SEMA6D: variants seen among roughly 807,000 people sequenced by gnomAD.
SEMA6D encodes the protein semaphorin 6D, also known as semaphorin-6D.
A neutral mutation model predicts 106.6 loss-of-function variants in SEMA6D; 35 were observed. That is an observed-to-expected ratio of 0.33 (90% CI 0.25 to 0.44). SEMA6D has a LOEUF of 0.44. Ranked by LOEUF, SEMA6D falls within the 20% of genes least tolerant of loss-of-function variation. SEMA6D has a pLI of 1.00. For missense variants in SEMA6D, 1,185 were observed against 1,345.9 expected (o/e 0.88, Z 1.87); for synonymous variants, 499 against 487.7 (o/e 1.02, Z -0.31).
chr15:47,548,070 A>C (rs370751096), intron 3 of SEMA6D, among the ~76,000 whole-genome samples: 1 of 152,298 alleles, frequency 6.6e-6, no homozygotes, highest in East Asian at 1.9e-4. Flanking sequence ...CTCTTTGAGA[A>C]AAATGAGGTG....
At chr15:47,529,541 C>T (rs1428286246) in intron 3 of SEMA6D, among the ~76,000 whole-genome samples, 1 of 145,694 alleles carries the variant, frequency 6.9e-6, no homozygotes, top group Non-Finnish European at 1.5e-5. Flanking sequence ...TAGTCACACT[C>T]ATGAAAGAGA....
intron 4 of SEMA6D, among the ~76,000 whole-genome samples, chr15:47,622,366 A>T (rs1566941314): frequency 6.6e-6 from 1 of 152,140 alleles, no homozygotes; most frequent in South Asian, 2.1e-4. Flanking sequence ...GTTTCCTCTA[A>T]TGTTACCTCT....
chr15:47,732,471 G>A (rs1263056820), intron 1 of SEMA6D, among the ~76,000 whole-genome samples: 1 of 152,118 alleles, frequency 6.6e-6, no homozygotes, highest in African/African-American at 2.4e-5. Flanking sequence ...GGCTCTCATT[G>A]GATAACATCA....
chr15:47,752,647 G>A (rs2081504674), intron 1 of SEMA6D, among the ~76,000 whole-genome samples: 1 of 151,054 alleles, frequency 6.6e-6, no homozygotes, highest in African/African-American at 2.4e-5. Context: ...ACCAGAAAGA[G>A]AGAAATATAA....
chr15:47,575,734 G>A (rs2076146097), intron 3 of SEMA6D, among the ~76,000 whole-genome samples: 1 of 150,324 alleles, frequency 6.7e-6, no homozygotes, highest in African/African-American at 2.5e-5. Flanking sequence ...AAAAAAAAAA[G>A]AGAGAAGAAG....
chr15:47,211,105 G>A (rs1297678408), intron 1 of SEMA6D, among the ~76,000 whole-genome samples: 1 of 152,074 alleles, frequency 6.6e-6, no homozygotes, highest in Admixed American at 6.5e-5. Flanking sequence ...TTTTGTGTGT[G>A]TGATGCCTAA....
At chr15:47,453,137 A>G (rs1481996544) in intron 2 of SEMA6D, among the ~76,000 whole-genome samples, 1 of 152,004 alleles carries the variant, frequency 6.6e-6, no homozygotes. Context: ...TTTGTTCAGA[A>G]TCTAAAATAG....
chr15:47,416,054 A>C (rs958064748), intron 2 of SEMA6D, among the ~76,000 whole-genome samples: 1 of 152,190 alleles, frequency 6.6e-6, no homozygotes, highest in Non-Finnish European at 1.5e-5. Context: ...ATTGCCTGAC[A>C]TATGAAATAC....
intron 2 of SEMA6D, among the ~76,000 whole-genome samples, chr15:47,448,995 A>G (rs1259587235): frequency 6.6e-6 from 1 of 152,058 alleles, no homozygotes; most frequent in African/African-American, 2.4e-5. Flanking sequence ...TGTGATCATC[A>G]ATGAGAATTG....
At position 47,745,819 on chromosome 15, in the gene SEMA6D, C is replaced by T. The variant is rs1206657328; in HGVS notation, c.-54-13926C>T. Among the ~76,000 whole-genome samples, 3 of 152,286 alleles carry T rather than the reference C, an allele frequency of 2.0e-5. No homozygotes were observed. The East Asian group carries it at 5.8e-4, about 29-fold the overall frequency. The stretch of plus-strand genomic sequence containing the variant: ...ATCTATCAAATGGAACCTAACTTAC[C>T]ATGGGCCACATTTCCATCAGTAGGA... On this transcript the variant is annotated intron_variant, in intron 1 of 18. Coordinates refer to ENST00000536845, the MANE Select transcript of SEMA6D (RefSeq NM_001358351.3).
intron 3 of SEMA6D, among the ~76,000 whole-genome samples, chr15:47,471,845 A>T (rs1317625151): frequency 6.6e-6 from 1 of 151,384 alleles, no homozygotes; most frequent in African/African-American, 2.4e-5. Context: ...AGGAGAATGG[A>T]AGACAATTCC....
In SEMA6D at chr15:47,504,920, T is replaced by TG. The variant is rs142302639; in HGVS notation, c.-87+34378dup. 9.9e-3 allele frequency among the ~76,000 whole-genome samples: 1,500 copies of TG among 152,022 alleles called. 26 individuals are homozygous for TG. Among genetic ancestry groups the TG allele is most frequent in the African/African-American group, 0.035 (1,437 of 41,494 alleles). On this transcript the variant is annotated intron_variant, in intron 3 of 19. Coordinates refer to the SEMA6D transcript ENST00000558014. ...GTGGAAATTCCCTTCCTTCCTTCTG[T>TG]GGGAAAAAAGAGGCATGGAGAGTAA...
intron 3 of SEMA6D, among the ~76,000 whole-genome samples, chr15:47,508,191 G>A (rs1566841450): frequency 6.6e-6 from 1 of 152,182 alleles, no homozygotes; most frequent in African/African-American, 2.4e-5. Context: ...GCAAGCTTTT[G>A]ACAGGAATCT....
intron 2 of SEMA6D, among the ~76,000 whole-genome samples, chr15:47,459,694 A>G (rs2141018384): frequency 6.6e-6 from 1 of 152,178 alleles, no homozygotes; most frequent in Admixed American, 6.5e-5. Flanking sequence ...CTCAAAACAA[A>G]CAATAGGTTT....
At chr15:47,251,088 G>A (rs577345234) in intron 1 of SEMA6D, among the ~76,000 whole-genome samples, 1 of 152,266 alleles carries the variant, frequency 6.6e-6, no homozygotes, top group East Asian at 1.9e-4. Flanking sequence ...GAAAAGGATA[G>A]GTCAAAAGGT....
chr15:47,331,537 A>G (rs536417209), intron 1 of SEMA6D, among the ~76,000 whole-genome samples: 3 of 152,306 alleles, frequency 2.0e-5, no homozygotes, highest in Non-Finnish European at 4.4e-5. Context: ...TGCCTATAAA[A>G]TATATACAGT....
intron 1 of SEMA6D, among the ~76,000 whole-genome samples, chr15:47,378,232 C>T (rs897003065): frequency 6.6e-5 from 10 of 152,180 alleles, no homozygotes; most frequent in African/African-American, 2.2e-4. Context: ...CACGGTGGCT[C>T]ACGCTTGTAA....
At chr15:47,225,494 A>G (rs896235501) in intron 1 of SEMA6D, among the ~76,000 whole-genome samples, 4 of 117,322 alleles carry the variant, frequency 3.4e-5, no homozygotes, top group African/African-American at 1.1e-4. Context: ...CCGTTTTTTA[A>G]TCGGGTGTTT....
intron 1 of SEMA6D, chr15:47,730,622 T>A: frequency 1.3e-6 from 2 of 1,579,772 alleles, no homozygotes; most frequent in South Asian, 1.1e-5. Flanking sequence ...CTTCTCTTGC[T>A]TTGTCTCTGG....
Sources: gnomAD v4.1 joint callset for allele counts (sites outside exome capture counted in the v4.1 genomes callset) on GRCh38, gnomAD v4.1.1 for gene constraint, MANE v1.5 for transcripts, NCBI Gene and HGNC (gene_info 2026-07-23, HGNC 2026-07-21) for gene names.